KBTBD12: variants seen among roughly 807,000 people sequenced by gnomAD.
KBTBD12 encodes the protein kelch repeat and BTB domain-containing protein 12.
KBTBD12 carries 53 observed loss-of-function variants against 58.7 expected under a neutral mutation model. The ratio of observed to expected loss-of-function variants is 0.90; its 90% CI spans 0.72 to 1.14. KBTBD12 has a LOEUF of 1.14. Among genes scored for constraint, KBTBD12 ranks in the 50% most tolerant of loss-of-function variants. The pLI is 0.00. For synonymous variants in KBTBD12, 236 were observed against 259.8 expected, an observed-to-expected ratio of 0.91 and a Z score of 0.88; for missense variants, 704 against 751.3, an observed-to-expected ratio of 0.94 and a Z score of 0.74.
At position 127,924,060 on chromosome 3, in the gene KBTBD12, T is replaced by A. The variant is rs746548650; in HGVS notation, c.999T>A (p.Thr333=). The change falls in exon 2 of 6, where the codon ACT becomes ACA. Residue 333 remains threonine, a synonymous_variant. Transcript: ENST00000405109. ...CTGGTGTTGTCATGGAAAATAATACTATAATTGTGGCTGGAGAAGCAAGTG... is the reference window on the plus strand; with the variant it reads ...CTGGTGTTGTCATGGAAAATAATACAATAATTGTGGCTGGAGAAGCAAGTG... ...VCTGVVMENN[T]IIVAGEASAS... is the part of the protein sequence containing the mutation. The A allele has an allele frequency of 6.2e-7, 1 of 1,613,730 alleles. No individual in the cohort carries two copies. The highest frequency in any genetic ancestry group is 8.5e-7 in the Non-Finnish European group (1 of 1,179,688).
At chr3:127,977,413 TGCTTTCCACAATG>T (rs1297149199) in intron 5 of KBTBD12, among the ~76,000 whole-genome samples, 1 of 152,272 alleles carries the variant, frequency 6.6e-6, no homozygotes. Context: ...AGTGCCAAAC[TGCTTTCCACAATG>T]GCTGAACTAG....
In KBTBD12 at chr3:127,984,251, T is replaced by C; in HGVS notation, c.1845T>C (p.Asp615=). The C allele has an allele frequency of 6.2e-7, 1 of 1,613,378 alleles. No individual in the cohort carries two copies. Among genetic ancestry groups the C allele is most frequent in the Non-Finnish European group, 8.5e-7 (1 of 1,179,644 alleles). ...GAGACCTCATCCCCCCGCCTTCAGA[T>C]TTGGTGGAAGAAGGCAATGAGCACT... The part of the protein sequence containing the change: ...NPRDLIPPPS[D]LVEEGNEH The change falls in exon 6 of 6, where the codon GAT becomes GAC. Residue 615 remains aspartate, a synonymous_variant. Transcript: ENST00000405109.
At chr3:127,954,261 T>G (rs1308699151) in intron 4 of KBTBD12, among the ~76,000 whole-genome samples, 1 of 152,228 alleles carries the variant, frequency 6.6e-6, no homozygotes, top group Non-Finnish European at 1.5e-5. Context: ...TAGAAAATAT[T>G]AATGCCTTGT....
At chr3:127,943,392 G>A (rs1448095774) in intron 4 of KBTBD12, among the ~76,000 whole-genome samples, 3 of 151,982 alleles carry the variant, frequency 2.0e-5, no homozygotes, top group Admixed American at 1.3e-4. Flanking sequence ...ATGTCTCACT[G>A]TGGTTTGGAT....
chr3:127,982,452 C>G (rs934332112), intron 5 of KBTBD12, among the ~76,000 whole-genome samples: 10 of 152,144 alleles, frequency 6.6e-5, no homozygotes, highest in Admixed American at 6.5e-4. Context: ...AACTAGAGAC[C>G]ACTCCTGTCC....
At chr3:127,978,083 A>G (rs1368978471) in intron 5 of KBTBD12, among the ~76,000 whole-genome samples, 1 of 152,206 alleles carries the variant, frequency 6.6e-6, no homozygotes, top group Admixed American at 6.5e-5. Flanking sequence ...TTGAATAGAG[A>G]GTCCTTTCCC....
intron 5 of KBTBD12, among the ~76,000 whole-genome samples, chr3:127,975,206 G>A (rs1049144066): frequency 3.9e-5 from 6 of 152,228 alleles, no homozygotes; most frequent in Admixed American, 1.3e-4. Flanking sequence ...CTGGGAGGCA[G>A]TGTAGAACAC....
Position 127,927,270 on chromosome 3 carries a change from A to G in KBTBD12, c.1071-494A>G, listed in dbSNP as rs529224644. Among the ~76,000 whole-genome samples the G allele has an allele frequency of 7.9e-5, 12 of 152,258 alleles. 1 individual carries two copies. In the East Asian group the frequency reaches 2.3e-3, roughly 29 times the overall value. ...GAACTACAACAGTTCTTAAAATTCT[A>G]CATATTCTAAATCATCCTGAGAGAA... On this transcript the variant is annotated intron_variant, in intron 2 of 5. Transcript: ENST00000405109.
chr3:127,961,842 G>C (rs953462397), intron 4 of KBTBD12, among the ~76,000 whole-genome samples: 3 of 152,208 alleles, frequency 2.0e-5, no homozygotes, highest in Admixed American at 2.0e-4. Flanking sequence ...CCACCTGACT[G>C]ATGCAGTGAT....
intron 5 of KBTBD12, among the ~76,000 whole-genome samples, chr3:127,975,315 G>C (rs775299120): frequency 3.9e-5 from 6 of 152,190 alleles, no homozygotes; most frequent in Non-Finnish European, 7.3e-5. Context: ...AAAATCCTCA[G>C]GCAAAGAGTA....
intron 4 of KBTBD12, among the ~76,000 whole-genome samples, chr3:127,953,820 C>T (rs1358865860): frequency 6.6e-6 from 1 of 152,192 alleles, no homozygotes; most frequent in African/African-American, 2.4e-5. Flanking sequence ...GACTCCATTG[C>T]TCATGTGGTT....
intron 5 of KBTBD12, among the ~76,000 whole-genome samples, chr3:127,976,937 T>C (rs993876711): frequency 6.6e-6 from 1 of 152,186 alleles, no homozygotes; most frequent in Non-Finnish European, 1.5e-5. Flanking sequence ...AGGAGTTTGG[T>C]GTACAGATTA....
At chr3:127,937,172 AAACAACAAC>A (rs3073944) in intron 4 of KBTBD12, among the ~76,000 whole-genome samples, 35,157 of 150,322 alleles carry the variant, frequency 0.23, 4,756 homozygotes, top group South Asian at 0.38. Context: ...AATGGCCAGA[AAACAACAAC>A]AACAACAACA....
At chr3:127,945,553 T>C (rs2107601334) in intron 4 of KBTBD12, among the ~76,000 whole-genome samples, 1 of 152,226 alleles carries the variant, frequency 6.6e-6, no homozygotes, top group East Asian at 1.9e-4. Context: ...CTAGTGATGA[T>C]GAGCATCTTT....
chr3:127,928,652 G>A (rs1283996311), intron 3 of KBTBD12, among the ~76,000 whole-genome samples: 1 of 152,202 alleles, frequency 6.6e-6, no homozygotes, highest in Non-Finnish European at 1.5e-5. Flanking sequence ...CCCTCCGGAT[G>A]TCCTCTCCTG....
chr3:127,925,936 T>A (rs1479632097), intron 2 of KBTBD12, among the ~76,000 whole-genome samples: 2 of 152,212 alleles, frequency 1.3e-5, no homozygotes, highest in Middle Eastern at 6.3e-3. Context: ...GTCCAGATGT[T>A]CTTCAGCTTG....
chr3:127,942,613 T>C (rs542297398), intron 4 of KBTBD12, among the ~76,000 whole-genome samples: 1 of 149,324 alleles, frequency 6.7e-6, no homozygotes, highest in East Asian at 1.9e-4. Flanking sequence ...ATGAGCATTC[T>C]TGTGTTAGTT....
chr3:127,969,991 A>G (rs1308836415), intron 5 of KBTBD12, among the ~76,000 whole-genome samples: 1 of 152,238 alleles, frequency 6.6e-6, no homozygotes, highest in Non-Finnish European at 1.5e-5. Context: ...TTCAAAGAGC[A>G]ACAACAAGAA....
intron 4 of KBTBD12, among the ~76,000 whole-genome samples, chr3:127,953,126 C>G (rs1262678619): frequency 6.6e-6 from 1 of 152,188 alleles, no homozygotes; most frequent in Non-Finnish European, 1.5e-5. Context: ...ATGCTGAACA[C>G]TGTGCTTGGC....
Sources: allele counts gnomAD v4.1 joint callset (sites outside exome capture counted in the v4.1 genomes callset), GRCh38; gene constraint gnomAD v4.1.1; transcripts MANE v1.5; gene names NCBI Gene and HGNC (gene_info 2026-07-23, HGNC 2026-07-21).